The following SNRNP70 variants were observed in gnomAD, a reference collection of about 807,000 sequenced individuals.
SNRNP70 encodes U1 small nuclear ribonucleoprotein 70 kDa.
Under a neutral mutation model 50.5 loss-of-function variants are expected in SNRNP70, and 8 were observed. The observed-to-expected ratio is 0.16, with a 90% CI of 0.09 to 0.29. The LOEUF is 0.29. SNRNP70 is among the 10% of genes least tolerant of loss of function. The probability of loss-of-function intolerance (pLI) is 1.00; values close to 1 mark genes in which losing one functional copy is unlikely to be tolerated. For missense variants in SNRNP70, 529 were observed against 663.5 expected, an observed-to-expected ratio of 0.80 and a Z score of 2.23; for synonymous variants, 320 against 252.9, an observed-to-expected ratio of 1.27 and a Z score of -2.52.
At chr19:49,100,255 G>A (rs903344531) in intron 6 of SNRNP70, among the ~76,000 whole-genome samples, 1 of 152,128 alleles carries the variant, frequency 6.6e-6, no homozygotes, top group Non-Finnish European at 1.5e-5. Context: ...GTCCCCAAGG[G>A]GTCTTTCTGA....
At chr19:49,101,572 C>G in intron 7 of SNRNP70, 101 bp downstream of exon 7, 2 of 753,926 alleles carry the variant, frequency 2.7e-6, no homozygotes, top group South Asian at 2.9e-5. Context: ...CCACACCTGA[C>G]ATTAGCGATG....
intron 7 of SNRNP70, chr19:49,103,714 T>C (rs530459150): frequency 6.6e-6 from 1 of 152,420 alleles, no homozygotes; most frequent in East Asian, 1.9e-4. Context: ...ACGGGGACTT[T>C]TTGGCCTTCA....
At chr19:49,106,842 C>T (rs2040676090) in intron 8 of SNRNP70, among the ~76,000 whole-genome samples, 1 of 152,176 alleles carries the variant, frequency 6.6e-6, no homozygotes, top group Non-Finnish European at 1.5e-5. Context: ...CCAGCTGCAG[C>T]GCCACCTGCT....
At chr19:49,100,357 G>A (rs1286892357) in intron 6 of SNRNP70, among the ~76,000 whole-genome samples, 1 of 152,056 alleles carries the variant, frequency 6.6e-6, no homozygotes, top group African/African-American at 2.4e-5. Context: ...GCCTTCCAGG[G>A]CTCTTCCCCA....
chr19:49,107,674 G>A lies in SNRNP70; in HGVS notation c.627G>A (p.Arg209=). 2 of 1,614,136 alleles carry A rather than the reference G, an allele frequency of 1.2e-6. No individual in the cohort carries two copies. The highest frequency in any genetic ancestry group is 1.6e-4 in the Middle Eastern group (1 of 6,062). ...TRRGGADVNI[R]HSGRDDTSRY... ...GAGGAGGGGCTGATGTGAACATCCGGCATTCAGGCCGCGATGACACCTCCC... is the reference window on the plus strand; with the variant it reads ...GAGGAGGGGCTGATGTGAACATCCGACATTCAGGCCGCGATGACACCTCCC... Residue 209 remains arginine (R), a synonymous_variant, in exon 9 of 10, where the codon CGG becomes CGA. Coordinates refer to ENST00000598441, the MANE Select transcript of SNRNP70 (RefSeq NM_003089.6). This position sits in a 1 kb window ranked among gnomAD's most constrained non-coding sequence, Gnocchi z 6.0.
Position 49,104,753 on chromosome 19 carries a change from TCGA to T in SNRNP70, c.577+21_577+23del, listed in dbSNP as rs1450726584. The T allele has an allele frequency of 2.0e-6, 3 of 1,505,226 alleles. No homozygotes were observed. The South Asian group carries it at 3.7e-5, about 19-fold the overall frequency. 93.2% of individuals were successfully genotyped at this position (1,505,226 alleles called of 1,614,324 possible). A position where few individuals can be genotyped will look rare whatever the true frequency, so the allele number is the denominator to read the frequency against. Reference sequence around the variant, plus strand: ...GCGGCTAGGTGAGCACATCCTGCCTTCGACGGGCTCTCGGGGGCCCTGGGCCTG... The same window carrying T: ...GCGGCTAGGTGAGCACATCCTGCCTTCGGGCTCTCGGGGGCCCTGGGCCTG... On this transcript the variant is annotated intron_variant, in intron 8 of 9. Coordinates refer to ENST00000598441, the MANE Select transcript of SNRNP70 (RefSeq NM_003089.6). The surrounding 1 kb of genome is among the most constrained non-coding windows in gnomAD (Gnocchi z 5.4).
intron 6 of SNRNP70, 71 bp from the exon 7 acceptor site, chr19:49,101,319 G>C: frequency 8.9e-7 from 1 of 1,127,916 alleles, no homozygotes. Context: ...CTGGTGTGCA[G>C]GCTGTTGTGG....
In SNRNP70 at chr19:49,107,123, T is replaced by C. The variant is rs551958583; in HGVS notation, c.578-502T>C. On this transcript the variant is annotated intron_variant, in intron 8 of 9. Transcript: ENST00000598441. The surrounding 1 kb of genome is among the most constrained non-coding windows in gnomAD (Gnocchi z 6.0). ...ACAGACACTGGCAGGAAGGTGAGCG[T>C]GGGGACACTGGGAAAGGCCTGGGAC... 6.6e-6 allele frequency among the ~76,000 whole-genome samples: 1 copy of C among 152,116 alleles called. No homozygotes were observed. The highest frequency in any genetic ancestry group is 1.5e-5 in the Non-Finnish European group (1 of 67,958).
chr19:49,105,178 A>G (rs927580680), intron 8 of SNRNP70, among the ~76,000 whole-genome samples: 6 of 151,900 alleles, frequency 3.9e-5, no homozygotes, highest in African/African-American at 9.7e-5. Flanking sequence ...GCAAGTACCT[A>G]TTGGATCACC....
chr19:49,093,697 A>AC (rs2040478357), intron 4 of SNRNP70, among the ~76,000 whole-genome samples: 2 of 147,698 alleles, frequency 1.4e-5, no homozygotes, highest in Non-Finnish European at 3.0e-5. Context: ...AAAAAACAAA[A>AC]AAAAAAACAG....
Position 49,108,080 on chromosome 19 carries a change from G to A in SNRNP70, c.951G>A (p.Ala317=), listed in dbSNP as rs745790893. 12 of 1,555,086 alleles carry A rather than the reference G, an allele frequency of 7.7e-6. No individual in the cohort carries two copies. The highest frequency in any genetic ancestry group is 1.2e-5 in the South Asian group (1 of 84,204). Residue 317 remains alanine, a synonymous_variant, in exon 10 of 10, where the codon GCG becomes GCA. Transcript: ENST00000598441. ...EELRGGGGDM[A]EPSEAGDAPP... ...TGCGTGGCGGCGGTGGCGACATGGC[G>A]GAGCCCTCCGAGGCGGGTGACGCGC... is the stretch of plus-strand genomic sequence containing the variant.
intron 4 of SNRNP70, among the ~76,000 whole-genome samples, chr19:49,096,424 G>A (rs1428298573): frequency 6.6e-6 from 1 of 152,112 alleles, no homozygotes; most frequent in Non-Finnish European, 1.5e-5. Flanking sequence ...GTTTCCATTT[G>A]TCCCAGATAG....
At position 49,104,575 on chromosome 19, in the gene SNRNP70, C is replaced by A. The variant is rs1415894197; in HGVS notation, c.476-59C>A. ...GGGGATTCTGTAGAGCTGGGCCTGT[C>A]CTGACTAGAGGACCCTCTGGGGACT... On this transcript the variant is annotated intron_variant, in intron 7 of 9. Transcript: ENST00000598441. The surrounding 1 kb of genome is among the most constrained non-coding windows in gnomAD (Gnocchi z 5.4). The A allele has an allele frequency of 3.8e-6, 5 of 1,323,706 alleles. No homozygotes were observed. The highest frequency in any genetic ancestry group is 2.1e-6 in the Non-Finnish European group (2 of 940,976). The allele number at this position is 1,323,706 out of a possible 1,614,324, so 82.0% of individuals were successfully genotyped here. A position where few individuals can be genotyped will look rare whatever the true frequency, so the allele number is the denominator to read the frequency against.
At position 49,104,836 on chromosome 19, in the gene SNRNP70, C is replaced by T; in HGVS notation, c.577+101C>T. The T allele has an allele frequency of 1.4e-6, 1 of 696,790 alleles. No individual in the cohort carries two copies. Among genetic ancestry groups the T allele is most frequent in the Non-Finnish European group, 2.3e-6 (1 of 429,012 alleles). 43.2% of individuals were successfully genotyped at this position (696,790 alleles called of 1,614,324 possible). A position where few individuals can be genotyped will look rare whatever the true frequency, so the allele number is the denominator to read the frequency against. On this transcript the variant is annotated intron_variant, in intron 8 of 9. Coordinates refer to ENST00000598441, the MANE Select transcript of SNRNP70 (RefSeq NM_003089.6). The surrounding 1 kb of genome is among the most constrained non-coding windows in gnomAD (Gnocchi z 5.4). ...TCTGCTTCTCTGTCTCCTGCCGGCC[C>T]ACCTCTCCCATCGCGTCCTCATCTC...
chr19:49,102,584 C>T lies in SNRNP70; in HGVS notation c.475+1113C>T, dbSNP rs567737023. On this transcript the variant is annotated intron_variant, in intron 7 of 9. Coordinates refer to ENST00000598441, the MANE Select transcript of SNRNP70 (RefSeq NM_003089.6). Reference sequence around the variant, plus strand: ...TCTATGGGGCTGCTACTGTGCTGGCCCTGGAGAGTCTTTTTGGCTGCTAGT... The same window carrying T: ...TCTATGGGGCTGCTACTGTGCTGGCTCTGGAGAGTCTTTTTGGCTGCTAGT... 186 of 174,162 alleles carry T rather than the reference C, an allele frequency of 1.1e-3. No homozygotes were observed. In the Middle Eastern group the frequency reaches 0.011, roughly 11 times the overall value. 10.8% of individuals were successfully genotyped at this position (174,162 alleles called of 1,614,324 possible). A position where few individuals can be genotyped will look rare whatever the true frequency, so the allele number is the denominator to read the frequency against.
intron 3 of SNRNP70, 38 bp downstream of exon 3, chr19:49,090,391 C>T (rs1483111099): frequency 6.2e-7 from 1 of 1,612,958 alleles, no homozygotes. Flanking sequence ...TGTTTTACCA[C>T]TGTCTCCAGA....
chr19:49,104,824 C>G lies in SNRNP70; in HGVS notation c.577+89C>G, dbSNP rs890935973. 2 of 782,094 alleles carry G rather than the reference C, an allele frequency of 2.6e-6. No individual in the cohort carries two copies. The highest frequency in any genetic ancestry group is 4.0e-6 in the Non-Finnish European group (2 of 504,830). 48.4% of individuals were successfully genotyped at this position (782,094 alleles called of 1,614,324 possible). A position where few individuals can be genotyped will look rare whatever the true frequency, so the allele number is the denominator to read the frequency against. ...TCTCTGCTGCTTTCTGCTTCTCTGT[C>G]TCCTGCCGGCCCACCTCTCCCATCG... On this transcript the variant is annotated intron_variant, in intron 8 of 9. Transcript: ENST00000598441. This position sits in a 1 kb window ranked among gnomAD's most constrained non-coding sequence, Gnocchi z 5.4.
Position 49,104,514 on chromosome 19 carries a change from GGCGTGT to G in SNRNP70, c.476-108_476-103del, listed in dbSNP as rs751439235. The stretch of plus-strand genomic sequence containing the variant: ...CTGTCAGTTGCCTGGCTGTCTGTTG[GGCGTGT>G]GCGTGTGCGTGATGATGGGGACACG... On this transcript the variant is annotated intron_variant, in intron 7 of 9. Coordinates refer to ENST00000598441, the MANE Select transcript of SNRNP70 (RefSeq NM_003089.6). This position sits in a 1 kb window ranked among gnomAD's most constrained non-coding sequence, Gnocchi z 5.4. 2.1e-5 allele frequency: 16 copies of G among 749,794 alleles called. No individual in the cohort carries two copies. The highest frequency in any genetic ancestry group is 1.2e-4 in the African/African-American group (7 of 57,678). 46.4% of individuals were successfully genotyped at this position (749,794 alleles called of 1,614,324 possible). A position where few individuals can be genotyped will look rare whatever the true frequency, so the allele number is the denominator to read the frequency against.
intron 7 of SNRNP70, chr19:49,102,297 C>A: frequency 1.8e-6 from 1 of 555,922 alleles, no homozygotes; most frequent in Non-Finnish European, 3.0e-6. Context: ...CGTAGCCTCC[C>A]CGCACCCATG....
Sources: gnomAD v4.1 joint callset for allele counts (sites outside exome capture counted in the v4.1 genomes callset) on GRCh38, gnomAD v4.1.1 for gene constraint, Gnocchi (gnomAD v3.1) non-coding constraint, MANE v1.5 for transcripts, NCBI Gene and HGNC (gene_info 2026-07-23, HGNC 2026-07-21) for gene names.